Variants in KIF16B observed in about 807,000 individuals in gnomAD.
The protein encoded by KIF16B is kinesin-like protein KIF16B.
In KIF16B, 98 loss-of-function variants were observed where a neutral mutation model predicts 156.3. That is an observed-to-expected ratio of 0.63 (90% CI 0.53 to 0.74). The LOEUF (loss-of-function observed/expected upper bound fraction) is 0.74, where lower values mean the gene tolerates loss of function less well. KIF16B is among the 30% of genes least tolerant of loss of function. KIF16B has a pLI of 0.00. For missense variants in KIF16B, 1,421 were observed against 1,606.5 expected, an observed-to-expected ratio of 0.88 and a Z score of 1.97; for synonymous variants, 564 against 583.7, an observed-to-expected ratio of 0.97 and a Z score of 0.49.
At chr20:16,316,377 A>T (rs1013269818) in intron 24 of KIF16B, among the ~76,000 whole-genome samples, 5 of 152,240 alleles carry the variant, frequency 3.3e-5, no homozygotes, top group Non-Finnish European at 7.3e-5. Flanking sequence ...AATATACTAC[A>T]TTAAAGTAGT....
chr20:16,447,316 C>T (rs1381164828), intron 12 of KIF16B, among the ~76,000 whole-genome samples: 5 of 151,848 alleles, frequency 3.3e-5, no homozygotes, highest in Non-Finnish European at 7.4e-5. Context: ...AAAAAAAGTT[C>T]CTTTTTTTTA....
chr20:16,453,612 C>T (rs2067141509), intron 12 of KIF16B, among the ~76,000 whole-genome samples: 1 of 151,876 alleles, frequency 6.6e-6, no homozygotes, highest in South Asian at 2.1e-4. Context: ...TGGGAAAACG[C>T]AATGATCAAA....
intron 12 of KIF16B, among the ~76,000 whole-genome samples, chr20:16,490,940 T>A (rs760746680): frequency 5.3e-5 from 8 of 152,286 alleles, no homozygotes; most frequent in Non-Finnish European, 7.3e-5. Flanking sequence ...CTTGGCCAGA[T>A]CCTGCTCCTG....
At chr20:16,352,924 T>A (rs538372443) in intron 23 of KIF16B, among the ~76,000 whole-genome samples, 4 of 152,336 alleles carry the variant, frequency 2.6e-5, no homozygotes, top group Admixed American at 6.5e-5. Flanking sequence ...AGGGGTCTTA[T>A]ACCAGGGGGT....
At chr20:16,427,952 C>T (rs1452959649) in intron 14 of KIF16B, among the ~76,000 whole-genome samples, 3 of 152,162 alleles carry the variant, frequency 2.0e-5, no homozygotes, top group African/African-American at 2.4e-5. Context: ...CTTGGGAGTA[C>T]AAGCCAACTA....
Position 16,481,377 on chromosome 20 carries a change from G to A in KIF16B, c.1302+12914C>T, listed in dbSNP as rs149739793. Among the ~76,000 whole-genome samples the A allele has an allele frequency of 3.0e-3, 463 of 152,194 alleles. 1 individual carries two copies. The highest frequency in any genetic ancestry group is 4.9e-3 in the Non-Finnish European group (335 of 68,000). On this transcript the variant is annotated intron_variant, in intron 12 of 25. Coordinates refer to ENST00000354981, the MANE Select transcript of KIF16B (RefSeq NM_024704.5). ...GTCTGGTTAATTTTTTTTCTGTAGA[G>A]ACAGGGTCTCTCTATGTTGCCCAGG...
At chr20:16,526,681 C>G (rs1600628821) in intron 2 of KIF16B, among the ~76,000 whole-genome samples, 1 of 152,190 alleles carries the variant, frequency 6.6e-6, no homozygotes, top group Non-Finnish European at 1.5e-5. Flanking sequence ...TTTCTCCTAC[C>G]TCTGACAGCC....
At chr20:16,305,969 ACT>A (rs2063535414) in intron 25 of KIF16B, among the ~76,000 whole-genome samples, 1 of 151,982 alleles carries the variant, frequency 6.6e-6, no homozygotes, top group Non-Finnish European at 1.5e-5. Flanking sequence ...TTTAAACCTC[ACT>A]CTGTTCTTCC....
At chr20:16,534,814 GATTT>G (rs1319431140) in intron 1 of KIF16B, among the ~76,000 whole-genome samples, 3 of 151,942 alleles carry the variant, frequency 2.0e-5, no homozygotes, top group African/African-American at 7.3e-5. Context: ...AAAATATGTG[GATTT>G]ATTTCTGGGT....
chr20:16,357,568 T>C (rs898528325), intron 22 of KIF16B, among the ~76,000 whole-genome samples: 26 of 152,224 alleles, frequency 1.7e-4, no homozygotes, highest in African/African-American at 6.3e-4. Flanking sequence ...TCCATGGTTA[T>C]GCAATGGAAC....
chr20:16,299,110 T>C (rs999383093), intron 25 of KIF16B, among the ~76,000 whole-genome samples: 1 of 152,196 alleles, frequency 6.6e-6, no homozygotes, highest in African/African-American at 2.4e-5. Flanking sequence ...GATGATAGTA[T>C]TGTGGTTACA....
chr20:16,347,943 T>C (rs374758551), intron 23 of KIF16B, among the ~76,000 whole-genome samples: 2 of 152,222 alleles, frequency 1.3e-5, no homozygotes, highest in East Asian at 3.8e-4. Context: ...ATGGCTCTTA[T>C]TTCTGTTCTG....
chr20:16,372,911 T>C (rs2064857688), intron 20 of KIF16B, among the ~76,000 whole-genome samples: 1 of 152,220 alleles, frequency 6.6e-6, no homozygotes, highest in Non-Finnish European at 1.5e-5. Flanking sequence ...TTGGTCAGGC[T>C]GGTCTTGAAC....
intron 6 of KIF16B, among the ~76,000 whole-genome samples, chr20:16,509,447 T>A (rs1316348543): frequency 6.6e-6 from 1 of 152,100 alleles, no homozygotes; most frequent in African/African-American, 2.4e-5. Flanking sequence ...GGTATAAGAG[T>A]GCTTGTCTCC....
intron 3 of KIF16B, among the ~76,000 whole-genome samples, chr20:16,516,652 G>A (rs6044050): frequency 0.24 from 36,238 of 152,000 alleles, 4,943 homozygotes; most frequent in East Asian, 0.36. Flanking sequence ...AGGAGCATTC[G>A]GTCTATGAGT....
At chr20:16,380,244 G>T in intron 18 of KIF16B, 81 bp from the exon 19 acceptor site, 1 of 1,286,700 alleles carries the variant, frequency 7.8e-7, no homozygotes, top group Non-Finnish European at 1.0e-6. Flanking sequence ...TTCTGAAAAT[G>T]CACATACAAC....
At chr20:16,316,431 G>A (rs2063698476) in intron 24 of KIF16B, among the ~76,000 whole-genome samples, 1 of 152,148 alleles carries the variant, frequency 6.6e-6, no homozygotes, top group Admixed American at 6.5e-5. Context: ...GAGGCCATTT[G>A]GAGAACAATA....
At chr20:16,520,736 A>G (rs551390284) in intron 3 of KIF16B, among the ~76,000 whole-genome samples, 1 of 152,290 alleles carries the variant, frequency 6.6e-6, no homozygotes, top group Non-Finnish European at 1.5e-5. Context: ...CCTGACTGAG[A>G]GACACCTCCC....
At chr20:16,526,052 GA>G in intron 3 of KIF16B, 39 bp downstream of exon 3, 3 of 1,176,858 alleles carry the variant, frequency 2.5e-6, no homozygotes, top group Non-Finnish European at 3.7e-6. Flanking sequence ...TTCTCAATGT[GA>G]AAATAAATCA....
Sources: gnomAD v4.1 joint callset for allele counts (sites outside exome capture counted in the v4.1 genomes callset) on GRCh38, gnomAD v4.1.1 for gene constraint, MANE v1.5 for transcripts, NCBI Gene and HGNC (gene_info 2026-07-23, HGNC 2026-07-21) for gene names.